Variants in PALD1 observed in about 807,000 individuals in gnomAD.
PALD1 encodes the protein paladin.
In PALD1, 57 loss-of-function variants were observed where a neutral mutation model predicts 96.0. The observed-to-expected ratio is 0.59, with a 90% confidence interval of 0.48 to 0.74. The LOEUF is 0.74. PALD1 is among the 30% of genes least tolerant of loss of function. The pLI, the probability that PALD1 is intolerant of heterozygous loss-of-function variation, is 0.00. For missense variants in PALD1, 1,063 were observed against 1,143.7 expected (o/e 0.93, Z 1.02); for synonymous variants, 464 against 473.6 (o/e 0.98, Z 0.26).
intron 1 of PALD1, among the ~76,000 whole-genome samples, chr10:70,483,799 C>T (rs1845972554): frequency 6.6e-6 from 1 of 152,192 alleles, no homozygotes. Context: ...AGGAGTTAAC[C>T]CCTTTCCTGC....
At chr10:70,562,289 CCTT>C (rs1191683704) in intron 18 of PALD1, among the ~76,000 whole-genome samples, 5 of 152,200 alleles carry the variant, frequency 3.3e-5, no homozygotes, top group Admixed American at 6.5e-5. Flanking sequence ...CCCCAGAGCT[CCTT>C]CTGGATGGAT....
intron 1 of PALD1, among the ~76,000 whole-genome samples, chr10:70,501,777 G>A (rs1204924591): frequency 6.8e-6 from 1 of 147,486 alleles, no homozygotes; most frequent in Non-Finnish European, 1.5e-5. Context: ...GTTCACCATT[G>A]ATGTTTTGAG....
At chr10:70,550,105 G>A (rs1847451593) in intron 18 of PALD1, among the ~76,000 whole-genome samples, 1 of 152,208 alleles carries the variant, frequency 6.6e-6, no homozygotes. Flanking sequence ...CAGAGGGACT[G>A]AGAGGAGACA....
At chr10:70,519,613 C>T (rs1330471377) in intron 1 of PALD1, among the ~76,000 whole-genome samples, 2 of 144,544 alleles carry the variant, frequency 1.4e-5, no homozygotes, top group Non-Finnish European at 3.0e-5. Context: ...CTGGCTCTGT[C>T]GCCCAGGCTA....
At chr10:70,481,758 G>A (rs556366315) in intron 1 of PALD1, among the ~76,000 whole-genome samples, 9 of 152,310 alleles carry the variant, frequency 5.9e-5, no homozygotes, top group South Asian at 2.1e-4. Flanking sequence ...CCTCTGGGGC[G>A]GGCTCCTTCT....
chr10:70,503,641 A>T (rs746670029), intron 1 of PALD1, among the ~76,000 whole-genome samples: 1 of 152,208 alleles, frequency 6.6e-6, no homozygotes, highest in Non-Finnish European at 1.5e-5. Flanking sequence ...CTCAGAAGAA[A>T]AAAAAGAGAA....
chr10:70,535,667 CCTTCTCCTTT>C (rs141977289), intron 10 of PALD1, among the ~76,000 whole-genome samples: 15,880 of 150,402 alleles, frequency 0.11, 1,374 homozygotes, highest in East Asian at 0.47. Flanking sequence ...TTCTCCTCCT[CCTTCTCCTTT>C]CTTCTCCTTT....
intron 18 of PALD1, 29 bp downstream of exon 18, chr10:70,547,475 C>G: frequency 6.9e-7 from 1 of 1,447,898 alleles, no homozygotes; most frequent in Non-Finnish European, 9.3e-7. Context: ...CCACCCCACC[C>G]TGCCCCAGCC....
chr10:70,467,207 G>A, the PALD1 span, among the ~76,000 whole-genome samples: 1 of 152,068 alleles, frequency 6.6e-6, no homozygotes, highest in Admixed American at 6.6e-5. Context: ...GACCCCCTTG[G>A]GAAAGAGGCC....
upstream of PALD1, among the ~76,000 whole-genome samples, chr10:70,477,797 C>A (rs78557050): frequency 0.013 from 1,959 of 152,334 alleles, 24 homozygotes; most frequent in Non-Finnish European, 0.019. Context: ...CAGCTCCAGT[C>A]CTGAATGGGG....
intron 1 of PALD1, among the ~76,000 whole-genome samples, chr10:70,513,222 C>T (rs1479448372): frequency 1.4e-4 from 21 of 152,222 alleles, no homozygotes; most frequent in African/African-American, 4.1e-4. Context: ...TCGCCGGGTG[C>T]GGTGGCTTAT....
intron 18 of PALD1, among the ~76,000 whole-genome samples, chr10:70,549,756 G>A (rs949391932): frequency 6.6e-6 from 1 of 152,278 alleles, no homozygotes; most frequent in African/African-American, 2.4e-5. Context: ...GGGAAGGGTA[G>A]TTGGGGCTGC....
chr10:70,485,959 T>C, intron 1 of PALD1: 1 of 186,200 alleles, frequency 5.4e-6, no homozygotes. Context: ...TGTTTTCTCA[T>C]GGCAGAGTTA....
intron 18 of PALD1, among the ~76,000 whole-genome samples, chr10:70,554,907 CTCCCCT>C: frequency 1.2e-5 from 1 of 82,694 alleles, no homozygotes; most frequent in Non-Finnish European, 2.5e-5. Context: ...TGAGCCTCCC[CTCCCCT>C]CTCCTCCCCT....
At chr10:70,564,174 G>A (rs1054890792) in intron 18 of PALD1, among the ~76,000 whole-genome samples, 190 bp from the exon 19 acceptor site, 5 of 152,178 alleles carry the variant, frequency 3.3e-5, no homozygotes, top group African/African-American at 1.2e-4. Flanking sequence ...TGCCTCTCAG[G>A]TAGGAAGTGG....
In PALD1 at chr10:70,541,116, G is replaced by T; in HGVS notation, c.1923G>T (p.Leu641=). The change falls in exon 16 of 20, where the codon CTG becomes CTT. Residue 641 remains leucine (L), a synonymous_variant. Coordinates refer to ENST00000263563, the MANE Select transcript of PALD1 (RefSeq NM_014431.3). ...CAPREEDFDQ[L]LEALRAALSK... ...TTCTCGTCCAGGACTTTGACCAGCTGCTGGAGGCCCTGCGGGCCGCCCTCT... is the reference window on the plus strand; with the variant it reads ...TTCTCGTCCAGGACTTTGACCAGCTTCTGGAGGCCCTGCGGGCCGCCCTCT... 2.5e-6 allele frequency: 4 copies of T among 1,606,936 alleles called. No homozygotes were observed. The highest frequency in any genetic ancestry group is 3.4e-6 in the Non-Finnish European group (4 of 1,177,564).
At position 70,555,817 on chromosome 10, in the gene PALD1, C is replaced by T. The variant is rs535114458; in HGVS notation, c.2262+8371C>T. Among the ~76,000 whole-genome samples, 200 of 152,258 alleles carry T rather than the reference C, an allele frequency of 1.3e-3. 2 individuals are homozygous for T. The highest frequency in any genetic ancestry group is 2.3e-3 in the Non-Finnish European group (156 of 68,028). On this transcript the variant is annotated intron_variant, in intron 18 of 19. Transcript: ENST00000263563. ...GAGATCGAGACCATCCTTGCTAACA[C>T]GGTGAAACCGCTTCTATACTAAAAA...
intron 1 of PALD1, among the ~76,000 whole-genome samples, chr10:70,512,032 G>GAA (rs369014723): frequency 1.4e-5 from 2 of 146,986 alleles, no homozygotes; most frequent in African/African-American, 5.0e-5. Flanking sequence ...TCTCAAAAGA[G>GAA]AAAAAAAAAA....
chr10:70,566,632 G>T lies in PALD1; in HGVS notation c.2470G>T (p.Glu824Ter). 1 of 1,610,602 alleles carries T rather than the reference G, an allele frequency of 6.2e-7. No homozygotes were observed. Among genetic ancestry groups the T allele is most frequent in the Non-Finnish European group, 8.5e-7 (1 of 1,178,772 alleles). ...YEILNELGFP[E>*]LESGEDQPFS... The stretch of plus-strand genomic sequence containing the variant: ...GATCCTTAACGAGCTGGGCTTCCCC[G>T]AGCTGGAGAGCGGGGAGGACCAGCC... Residue 824 changes from glutamate to a stop codon, truncating the protein, a stop_gained, in exon 20 of 20, where the codon GAG becomes TAG. Transcript: ENST00000263563. LOFTEE classifies it high-confidence loss of function.
Sources: allele counts gnomAD v4.1 joint callset (sites outside exome capture counted in the v4.1 genomes callset), GRCh38; gene constraint gnomAD v4.1.1; transcripts MANE v1.5; gene names NCBI Gene and HGNC (gene_info 2026-07-23, HGNC 2026-07-21).